The following CCSER1 variants were observed in gnomAD, a reference collection of about 807,000 sequenced individuals.
The protein encoded by CCSER1 is serine-rich coiled-coil domain-containing protein 1.
A neutral mutation model predicts 82.0 loss-of-function variants in CCSER1; 41 were observed. That is an observed-to-expected ratio of 0.50 (90% CI 0.39 to 0.65). The LOEUF is 0.65. CCSER1 is among the 30% of genes least tolerant of loss of function. The pLI, the probability that CCSER1 is intolerant of heterozygous loss-of-function variation, is 0.00. For synonymous variants in CCSER1, 414 were observed against 383.9 expected (o/e 1.08, Z -0.92); for missense variants, 1,119 against 1,064.2 (o/e 1.05, Z -0.72).
At chr4:90,849,518 G>A (rs1763590055) in intron 8 of CCSER1, among the ~76,000 whole-genome samples, 1 of 152,084 alleles carries the variant, frequency 6.6e-6, no homozygotes, top group Non-Finnish European at 1.5e-5. Flanking sequence ...GGCCAGGTGT[G>A]GTGACTCATG....
chr4:90,504,919 G>C (rs1357223516), intron 5 of CCSER1, among the ~76,000 whole-genome samples: 2 of 151,890 alleles, frequency 1.3e-5, no homozygotes, highest in Non-Finnish European at 2.9e-5. Context: ...AACTAACAAG[G>C]GTCCCTGCAC....
intron 10 of CCSER1, among the ~76,000 whole-genome samples, chr4:91,545,338 C>G (rs1210142871): frequency 6.6e-6 from 1 of 152,080 alleles, no homozygotes; most frequent in Non-Finnish European, 1.5e-5. Flanking sequence ...CACTGTCCGA[C>G]AAGCCCCAGT....
chr4:90,329,018 G>A (rs1179397145), intron 3 of CCSER1, among the ~76,000 whole-genome samples: 2 of 151,988 alleles, frequency 1.3e-5, no homozygotes, highest in African/African-American at 2.4e-5. Flanking sequence ...AAGGCTTTTG[G>A]TACCTCCTAA....
intron 5 of CCSER1, 135 bp from the exon 6 acceptor site, chr4:90,627,890 T>G (rs1393614225): frequency 1.5e-6 from 1 of 683,584 alleles, no homozygotes; most frequent in Non-Finnish European, 2.5e-6. Context: ...AATAAATAAA[T>G]AAATAAACTA....
intron 3 of CCSER1, among the ~76,000 whole-genome samples, chr4:90,322,809 C>T (rs1005888369): frequency 1.7e-4 from 26 of 152,238 alleles, no homozygotes; most frequent in African/African-American, 6.3e-4. Context: ...TGGCCTGGAG[C>T]TGAGGGAGGG....
rs530833302 is a variant in CCSER1, at chr4:90,933,423, A to G, written c.2172+9976A>G. Among the ~76,000 whole-genome samples the G allele has an allele frequency of 6.0e-3, 906 of 151,162 alleles. 2 individuals are homozygous for G. The highest frequency in any genetic ancestry group is 9.4e-3 in the Non-Finnish European group (641 of 67,844). ...AGGATGGTCTCAATCTCCTGACCTCATGATCCGCCCACCTCGGCCTCCCCA... is the reference window on the plus strand; with the variant it reads ...AGGATGGTCTCAATCTCCTGACCTCGTGATCCGCCCACCTCGGCCTCCCCA... On this transcript the variant is annotated intron_variant, in intron 9 of 10. Transcript: ENST00000509176.
At chr4:91,372,806 A>G (rs968834389) in intron 10 of CCSER1, among the ~76,000 whole-genome samples, 2 of 152,140 alleles carry the variant, frequency 1.3e-5, no homozygotes, top group Admixed American at 1.3e-4. Flanking sequence ...AATTTGGACC[A>G]TTAAACTCTG....
At chr4:91,596,183 A>G (rs1764569552) in intron 10 of CCSER1, among the ~76,000 whole-genome samples, 3 of 151,918 alleles carry the variant, frequency 2.0e-5, no homozygotes, top group Non-Finnish European at 2.9e-5. Context: ...ATCCTTTTCA[A>G]TATGTCTTTT....
chr4:90,595,071 T>G (rs1783171136), intron 5 of CCSER1, among the ~76,000 whole-genome samples: 1 of 152,072 alleles, frequency 6.6e-6, no homozygotes, highest in Non-Finnish European at 1.5e-5. Context: ...TATCAGAGAA[T>G]TCATCATAAA....
chr4:90,977,579 G>A (rs1735722519), intron 9 of CCSER1, among the ~76,000 whole-genome samples: 1 of 151,478 alleles, frequency 6.6e-6, no homozygotes, highest in Non-Finnish European at 1.5e-5. Flanking sequence ...TGAATGAATA[G>A]GAGTACACTA....
chr4:90,820,220 G>T (rs1759552416), intron 8 of CCSER1, among the ~76,000 whole-genome samples: 1 of 152,068 alleles, frequency 6.6e-6, no homozygotes, highest in South Asian at 2.1e-4. Flanking sequence ...CCAGATTTAG[G>T]TATTTTTCTC....
At chr4:91,510,063 G>A (rs1759739262) in intron 10 of CCSER1, among the ~76,000 whole-genome samples, 1 of 152,024 alleles carries the variant, frequency 6.6e-6, no homozygotes, top group African/African-American at 2.4e-5. Flanking sequence ...TTATGCCCGT[G>A]AGTACCCATT....
At chr4:90,144,738 A>G (rs537913551) in intron 1 of CCSER1, among the ~76,000 whole-genome samples, 24 of 152,302 alleles carry the variant, frequency 1.6e-4, no homozygotes, top group Admixed American at 1.5e-3. Flanking sequence ...CGAATTTCAG[A>G]TATTCAGACT....
chr4:91,414,584 G>A (rs1040668495), intron 10 of CCSER1, among the ~76,000 whole-genome samples: 1 of 152,080 alleles, frequency 6.6e-6, no homozygotes, highest in East Asian at 1.9e-4. Flanking sequence ...CTCTTTAAAT[G>A]CAAATGGATT....
chr4:90,635,653 T>C (rs1374033835), intron 6 of CCSER1, among the ~76,000 whole-genome samples: 1 of 151,858 alleles, frequency 6.6e-6, no homozygotes, highest in Admixed American at 6.6e-5. Flanking sequence ...CCTTGAAATG[T>C]TGGTTAATGG....
chr4:90,744,559 T>G (rs918549659), intron 7 of CCSER1, among the ~76,000 whole-genome samples: 5 of 152,156 alleles, frequency 3.3e-5, no homozygotes, highest in African/African-American at 1.2e-4. Flanking sequence ...TTACCTATAT[T>G]CATATTAAAA....
chr4:90,933,349 G>C (rs1339450211), intron 9 of CCSER1, among the ~76,000 whole-genome samples: 1 of 151,446 alleles, frequency 6.6e-6, no homozygotes, highest in Admixed American at 6.6e-5. Flanking sequence ...CACCACGCCC[G>C]GCTAATTTTT....
intron 5 of CCSER1, among the ~76,000 whole-genome samples, chr4:90,567,303 C>G (rs1779518541): frequency 7.2e-6 from 1 of 138,700 alleles, no homozygotes; most frequent in Non-Finnish European, 1.5e-5. Flanking sequence ...TCTTTTGTCT[C>G]TGGATTTTTT....
At chr4:91,531,453 A>G (rs1360287990) in intron 10 of CCSER1, among the ~76,000 whole-genome samples, 1 of 152,196 alleles carries the variant, frequency 6.6e-6, no homozygotes, top group South Asian at 2.1e-4. Context: ...TTTAAGAAAC[A>G]AAGATAATAA....
Sources: gnomAD v4.1 joint callset for allele counts (sites outside exome capture counted in the v4.1 genomes callset) on GRCh38, gnomAD v4.1.1 for gene constraint, MANE v1.5 for transcripts, NCBI Gene and HGNC (gene_info 2026-07-23, HGNC 2026-07-21) for gene names.